Variants in ELL observed in about 807,000 individuals in gnomAD.
The protein encoded by ELL is elongation factor for RNA polymerase II, also known as RNA polymerase II elongation factor ELL.
ELL carries 18 observed loss-of-function variants against 64.0 expected under a neutral mutation model. The ratio of observed to expected loss-of-function variants is 0.28; its 90% CI spans 0.19 to 0.42. ELL has a LOEUF of 0.42. Ranked by LOEUF, ELL falls within the 10% of genes least tolerant of loss-of-function variation. The pLI is 1.00. For missense variants in ELL, 797 were observed against 870.4 expected (o/e 0.92, Z 1.06); for synonymous variants, 399 against 376.2 (o/e 1.06, Z -0.70).
chr19:18,443,392 T>TAG lies in ELL; in HGVS notation c.*1358_*1359dup. 1 of 187,262 alleles carries TAG rather than the reference T, an allele frequency of 5.3e-6. No homozygotes were observed. The highest frequency in any genetic ancestry group is 9.4e-6 in the Non-Finnish European group (1 of 105,978). 11.6% of individuals were successfully genotyped at this position (187,262 alleles called of 1,614,324 possible). Reference sequence around the variant, plus strand: ...CCCTCCACCCCCCAGTTTAGAAAAATAGACATCTGTATTTTTGCATTTCTG... The same window carrying TAG: ...CCCTCCACCCCCCAGTTTAGAAAAATAGAGACATCTGTATTTTTGCATTTCTG... On this transcript the variant is annotated 3_prime_UTR_variant, in exon 12 of 12. Coordinates refer to ENST00000262809, the MANE Select transcript of ELL (RefSeq NM_006532.4).
At chr19:18,491,629 G>T (rs1374298586) in intron 1 of ELL, among the ~76,000 whole-genome samples, 2 of 152,134 alleles carry the variant, frequency 1.3e-5, no homozygotes, top group Admixed American at 6.6e-5. Context: ...TTAAAATAAA[G>T]ATGGACCAGG....
intron 10 of ELL, 107 bp downstream of exon 10, chr19:18,446,202 A>C (rs1273572309): frequency 1.1e-5 from 13 of 1,219,508 alleles, no homozygotes; most frequent in African/African-American, 3.2e-5. Flanking sequence ...TGCCTGGGGA[A>C]GGGCCAGACT....
rs548170894 is a variant in ELL at position 18,466,549 on chromosome 19, C to A, written c.184-631G>T. On this transcript the variant is annotated intron_variant, in intron 2 of 11. Transcript: ENST00000262809. Reference sequence around the variant, plus strand: ...CAGCCTGACTTTGGCTGTGCCCCTGCAGCCCAGCTGGGCAAAGCTCCAGCC... The same window carrying A: ...CAGCCTGACTTTGGCTGTGCCCCTGAAGCCCAGCTGGGCAAAGCTCCAGCC... Among the ~76,000 whole-genome samples the A allele has an allele frequency of 5.9e-5, 9 of 152,330 alleles. No homozygotes were observed. In the South Asian group the frequency reaches 1.9e-3, roughly 32 times the overall value.
chr19:18,515,255 G>A (rs1435470896), intron 1 of ELL, among the ~76,000 whole-genome samples: 1 of 152,214 alleles, frequency 6.6e-6, no homozygotes, highest in African/African-American at 2.4e-5. Context: ...CACCTTCTGG[G>A]AGAATCCACC....
At chr19:18,464,859 C>T (rs1337222568) in intron 4 of ELL, among the ~76,000 whole-genome samples, 1 of 152,228 alleles carries the variant, frequency 6.6e-6, no homozygotes, top group African/African-American at 2.4e-5. Flanking sequence ...ACTGCTGAAA[C>T]CGTTTCCAAG....
intron 1 of ELL, among the ~76,000 whole-genome samples, chr19:18,502,729 G>C (rs1400194930): frequency 2.0e-5 from 3 of 152,226 alleles, no homozygotes; most frequent in Non-Finnish European, 1.5e-5. Flanking sequence ...ATGCCAGGAG[G>C]AGGAGTGGGA....
intron 7 of ELL, 72 bp from the exon 8 acceptor site, chr19:18,451,047 T>A (rs1974521080): frequency 7.0e-7 from 1 of 1,437,914 alleles, no homozygotes; most frequent in Admixed American, 2.6e-5. Flanking sequence ...TCCCCTGGCC[T>A]GGCTAGAAAA....
At chr19:18,506,939 A>C (rs919029573) in intron 1 of ELL, among the ~76,000 whole-genome samples, 1 of 152,120 alleles carries the variant, frequency 6.6e-6, no homozygotes, top group Non-Finnish European at 1.5e-5. Context: ...ATCTACAAGG[A>C]GCTGGCCTAC....
intron 2 of ELL, among the ~76,000 whole-genome samples, chr19:18,468,555 C>T (rs1455522926): frequency 2.0e-5 from 3 of 152,172 alleles, no homozygotes; most frequent in African/African-American, 4.8e-5. Flanking sequence ...CCAGAATGAG[C>T]CAGCCAGGGA....
At position 18,464,535 on chromosome 19, in the gene ELL, C is replaced by T. The variant is rs563004673; in HGVS notation, c.469+877G>A. ...TCAGTGTTGACCAGGAAGACCAACC[C>T]CTGCACCCACATCTGGGGTTTCACT... On this transcript the variant is annotated intron_variant, in intron 4 of 11. Coordinates refer to ENST00000262809, the MANE Select transcript of ELL (RefSeq NM_006532.4). 4.5e-4 allele frequency among the ~76,000 whole-genome samples: 69 copies of T among 152,300 alleles called. 1 individual carries two copies. In the South Asian group the frequency reaches 8.3e-3, roughly 18 times the overall value.
chr19:18,471,843 T>C (rs1411241115), intron 2 of ELL, among the ~76,000 whole-genome samples: 1 of 152,196 alleles, frequency 6.6e-6, no homozygotes, highest in Non-Finnish European at 1.5e-5. Context: ...GGTGCTGAGT[T>C]TCTATGAACC....
chr19:18,509,541 T>C (rs1975953668), intron 1 of ELL, among the ~76,000 whole-genome samples: 2 of 148,256 alleles, frequency 1.3e-5, no homozygotes, highest in Non-Finnish European at 3.0e-5. Flanking sequence ...CAACCTAAGG[T>C]CTCCAGGGTG....
rs1340083662 is a variant in ELL, at chr19:18,458,219, C to A, written c.855G>T (p.Lys285Asn). The A allele has an allele frequency of 6.2e-7, 1 of 1,610,974 alleles. No homozygotes were observed. Among genetic ancestry groups the A allele is most frequent in the Non-Finnish European group, 8.5e-7 (1 of 1,180,020 alleles). Residue 285 changes from lysine (K) to asparagine (N), a missense_variant, in exon 6 of 12, where the codon AAG (lysine) becomes AAT (asparagine). Coordinates refer to ENST00000262809, the MANE Select transcript of ELL (RefSeq NM_006532.4). ...GGCGGCATTACCGGACGAGCACCCGCTTCAGCAGCTGCTGGTCCCCCTCCG... is the reference window on the plus strand; with the variant it reads ...GGCGGCATTACCGGACGAGCACCCGATTCAGCAGCTGCTGGTCCCCCTCCG... ...GYSEGDQQLL[K>N]RVLVRKLCQP... is the part of the protein sequence containing the mutation.
At chr19:18,477,658 T>C (rs968238279) in intron 1 of ELL, among the ~76,000 whole-genome samples, 4 of 152,064 alleles carry the variant, frequency 2.6e-5, no homozygotes, top group Non-Finnish European at 5.9e-5. Context: ...CACAATTCCA[T>C]GCCCAGTGAA....
intron 1 of ELL, among the ~76,000 whole-genome samples, chr19:18,490,723 G>A (rs893908363): frequency 1.2e-4 from 19 of 152,080 alleles, no homozygotes; most frequent in Non-Finnish European, 1.5e-4. Context: ...GAGCTCTGAC[G>A]GCCCAGACAG....
chr19:18,517,844 A>T (rs1056008309), intron 1 of ELL, among the ~76,000 whole-genome samples: 5 of 150,700 alleles, frequency 3.3e-5, no homozygotes, highest in Non-Finnish European at 7.4e-5. Context: ...CTATGATCAC[A>T]CCACTGTACT....
chr19:18,460,345 G>T (rs1194103879), intron 5 of ELL, among the ~76,000 whole-genome samples: 1 of 152,216 alleles, frequency 6.6e-6, no homozygotes, highest in African/African-American at 2.4e-5. Context: ...GAGCTGTCCA[G>T]GGGAAGTCAC....
chr19:18,463,138 T>G (rs1343807925), intron 4 of ELL, among the ~76,000 whole-genome samples: 2 of 152,080 alleles, frequency 1.3e-5, no homozygotes, highest in Non-Finnish European at 2.9e-5. Flanking sequence ...CAAAATCTGA[T>G]CTGTCAAATT....
intron 1 of ELL, chr19:18,475,914 T>C (rs1012453492): frequency 1.3e-5 from 2 of 152,260 alleles, no homozygotes; most frequent in Non-Finnish European, 2.9e-5. Flanking sequence ...CAACATTCTC[T>C]GACACACACA....
Sources: allele counts gnomAD v4.1 joint callset (sites outside exome capture counted in the v4.1 genomes callset), GRCh38; gene constraint gnomAD v4.1.1; transcripts MANE v1.5; gene names NCBI Gene and HGNC (gene_info 2026-07-23, HGNC 2026-07-21).